The following ABCA4 variants were observed in gnomAD, a reference collection of about 807,000 sequenced individuals.
The protein encoded by ABCA4 is ATP binding cassette subfamily A member 4, also known as retinal-specific phospholipid-transporting ATPase ABCA4.
ABCA4 carries 196 observed loss-of-function variants against 263.7 expected under a neutral mutation model. The ratio of observed to expected loss-of-function variants is 0.74; its 90% CI spans 0.66 to 0.84. The LOEUF (loss-of-function observed/expected upper bound fraction) is 0.84, where lower values mean the gene tolerates loss of function less well. Among genes scored for constraint, ABCA4 ranks in the 40% least tolerant of loss-of-function variants. The pLI, the probability that ABCA4 is intolerant of heterozygous loss-of-function variation, is 0.00. For missense variants in ABCA4, 2,792 were observed against 2,855.1 expected (o/e 0.98, Z 0.50); for synonymous variants, 1,133 against 1,094.2 (o/e 1.04, Z -0.70).
At chr1:94,044,506 T>G (rs1660616980) in intron 20 of ABCA4, 107 bp downstream of exon 20, 2 of 1,546,268 alleles carry the variant, frequency 1.3e-6, no homozygotes, top group Admixed American at 3.4e-5. Context: ...AGTCTGTATC[T>G]CTGCCTGTGC....
At chr1:94,107,056 C>A (rs1021108511) in intron 4 of ABCA4, among the ~76,000 whole-genome samples, 1 of 152,164 alleles carries the variant, frequency 6.6e-6, no homozygotes, top group African/African-American at 2.4e-5. Context: ...CGGGAAGGTG[C>A]CCCCGGGGCT....
chr1:94,097,498 G>A (rs1193253760), intron 6 of ABCA4, among the ~76,000 whole-genome samples: 1 of 152,062 alleles, frequency 6.6e-6, no homozygotes, highest in African/African-American at 2.4e-5. Context: ...CACAGTTCTA[G>A]AAATTAAAAT....
chr1:94,008,362 A>G, intron 41 of ABCA4, 65 bp from the exon 42 acceptor site: 1 of 1,509,026 alleles, frequency 6.6e-7, no homozygotes, highest in Non-Finnish European at 9.2e-7. Flanking sequence ...GGGAAGAGGG[A>G]ACAAAGAGCA....
chr1:94,039,614 C>A (rs1660432225), intron 24 of ABCA4, among the ~76,000 whole-genome samples: 2 of 152,168 alleles, frequency 1.3e-5, no homozygotes, highest in South Asian at 4.1e-4. Flanking sequence ...TATGCTATTT[C>A]CAGACTTGCC....
chr1:94,021,027 A>G (rs1378250332), intron 35 of ABCA4, among the ~76,000 whole-genome samples: 1 of 152,282 alleles, frequency 6.6e-6, no homozygotes, highest in Non-Finnish European at 1.5e-5. Context: ...ATGTAAACTT[A>G]CTTGCCACAT....
At chr1:94,096,755 G>A (rs1662131872) in intron 6 of ABCA4, among the ~76,000 whole-genome samples, 1 of 152,204 alleles carries the variant, frequency 6.6e-6, no homozygotes, top group Non-Finnish European at 1.5e-5. Context: ...AGAATCAATG[G>A]TCATGTCCTG....
intron 44 of ABCA4, among the ~76,000 whole-genome samples, chr1:94,003,376 T>G (rs1659248041): frequency 6.6e-6 from 1 of 151,980 alleles, no homozygotes; most frequent in Admixed American, 6.5e-5. Flanking sequence ...TTAAGGAATA[T>G]TCCTTCTTTG....
chr1:94,107,829 C>T (rs1297395301), intron 4 of ABCA4, among the ~76,000 whole-genome samples: 1 of 152,342 alleles, frequency 6.6e-6, no homozygotes, highest in Non-Finnish European at 1.5e-5. Context: ...CAGCCATTAA[C>T]CTTTTCATCT....
chr1:93,998,179 G>A lies in ABCA4; in HGVS notation c.6480-69C>T, dbSNP rs572585065. The A allele has an allele frequency of 8.0e-5, 128 of 1,609,544 alleles. 1 individual carries two copies. In the South Asian group the frequency reaches 1.3e-3, roughly 16 times the overall value. ...GGGCCTAAGGTAATCCCAAAATAAG[G>A]AGTAGACTCATCAGAAATTTTGGGG... On this transcript the variant is annotated intron_variant, in intron 47 of 49. Transcript: ENST00000370225.
At chr1:94,022,789 G>A (rs1659937655) in intron 32 of ABCA4, among the ~76,000 whole-genome samples, 1 of 152,164 alleles carries the variant, frequency 6.6e-6, no homozygotes, top group Admixed American at 6.5e-5. Context: ...AGGCCCCACA[G>A]GTCCCTCTGG....
chr1:94,000,728 C>T lies in ABCA4; in HGVS notation c.6479+108G>A, dbSNP rs1571241837. 1.7e-5 allele frequency: 20 copies of T among 1,205,250 alleles called. No homozygotes were observed. In the East Asian group the frequency reaches 4.0e-4, roughly 24 times the overall value. The allele number at this position is 1,205,250 out of a possible 1,614,324, so 74.7% of individuals were successfully genotyped here. ...GAGGCCCAGCCACCACCTGCCTCTG[C>T]CCCAGGGGATGACGGAGCAGCAGGA... On this transcript the variant is annotated intron_variant, in intron 47 of 49. Transcript: ENST00000370225.
rs764463674 is a variant in ABCA4, at chr1:94,047,107, A to G, written c.2744-14T>C. On this transcript the variant is annotated splice_polypyrimidine_tract_variant and intron_variant, in intron 18 of 49. Transcript: ENST00000370225. ...CAAAGAAGGAGTCTTGGAGGAAAAAAAATGAACATGATGTAAACATAATGC... is the reference window on the plus strand; with the variant it reads ...CAAAGAAGGAGTCTTGGAGGAAAAAGAATGAACATGATGTAAACATAATGC... 6 of 1,613,982 alleles carry G rather than the reference A, an allele frequency of 3.7e-6. No homozygotes were observed. The South Asian group carries it at 6.6e-5, about 18-fold the overall frequency.
chr1:94,019,622 C>A lies in ABCA4; in HGVS notation c.5156G>T (p.Ser1719Ile), dbSNP rs1301504030. 6.2e-7 allele frequency: 1 copy of A among 1,611,074 alleles called. No homozygotes were observed. Among genetic ancestry groups the A allele is most frequent in the Non-Finnish European group, 8.5e-7 (1 of 1,178,580 alleles). Residue 1719 changes from serine (S) to isoleucine (I), a missense_variant, in exon 36 of 50, where the codon AGC becomes ATC. Physicochemically the swap from Ser to Ile is moderately radical, Grantham distance 142. Transcript: ENST00000370225. ...SKHLQFISGV[S>I]PTTYWVTNFL... ...GTTGGTCACCCAGTAGGTGGTGGGG[C>A]TCACTCCACTGATAAACTGGAGGTG...
At chr1:94,102,353 C>T (rs1402511547) in intron 5 of ABCA4, among the ~76,000 whole-genome samples, 1 of 151,916 alleles carries the variant, frequency 6.6e-6, no homozygotes, top group Non-Finnish European at 1.5e-5. Flanking sequence ...GTTCTGTAGC[C>T]TCGGGACGCC....
intron 1 of ABCA4, among the ~76,000 whole-genome samples, chr1:94,120,552 A>G (rs1662919176): frequency 6.6e-6 from 1 of 152,158 alleles, no homozygotes; most frequent in Non-Finnish European, 1.5e-5. Context: ...AATCAATGAA[A>G]TAAGGCCTCA....
At chr1:94,079,936 G>C (rs544386754) in intron 8 of ABCA4, among the ~76,000 whole-genome samples, 1 of 151,768 alleles carries the variant, frequency 6.6e-6, no homozygotes, top group South Asian at 2.1e-4. Flanking sequence ...TTTTTAACTA[G>C]AGGGGCAGCC....
At chr1:94,027,768 A>C (rs1425879217) in intron 30 of ABCA4, among the ~76,000 whole-genome samples, 1 of 152,154 alleles carries the variant, frequency 6.6e-6, no homozygotes, top group African/African-American at 2.4e-5. Flanking sequence ...TGGAAGTACT[A>C]TGTGGGAACT....
intron 7 of ABCA4, among the ~76,000 whole-genome samples, chr1:94,081,993 G>A (rs1661714954): frequency 6.6e-6 from 1 of 152,216 alleles, no homozygotes; most frequent in Non-Finnish European, 1.5e-5. Flanking sequence ...CAGTGAGACT[G>A]AAAATATTTC....
intron 17 of ABCA4, among the ~76,000 whole-genome samples, chr1:94,049,829 C>CAT (rs763622372): frequency 4.1e-5 from 6 of 147,758 alleles, no homozygotes; most frequent in African/African-American, 1.5e-4. Context: ...ACGCATTGAA[C>CAT]ACACACACAC....
Sources: allele counts gnomAD v4.1 joint callset (sites outside exome capture counted in the v4.1 genomes callset), GRCh38; gene constraint gnomAD v4.1.1; transcripts MANE v1.5; gene names NCBI Gene and HGNC (gene_info 2026-07-23, HGNC 2026-07-21).